OLFM3: variants seen among roughly 807,000 people sequenced by gnomAD.
OLFM3 encodes noelin-3.
OLFM3 carries 20 observed loss-of-function variants against 48.6 expected under a neutral mutation model. The observed-to-expected ratio is 0.41, with a 90% CI of 0.29 to 0.60. OLFM3 has a LOEUF of 0.60. Among genes scored for constraint, OLFM3 ranks in the 20% least tolerant of loss-of-function variants. The pLI, the probability that OLFM3 is intolerant of heterozygous loss-of-function variation, is 0.28. For missense variants in OLFM3, 437 were observed against 544.3 expected (o/e 0.80, Z 1.96); for synonymous variants, 222 against 198.1 (o/e 1.12, Z -1.01).
At chr1:101,900,623 G>C (rs920893192) in intron 1 of OLFM3, among the ~76,000 whole-genome samples, 2 of 152,032 alleles carry the variant, frequency 1.3e-5, no homozygotes, top group Non-Finnish European at 2.9e-5. Context: ...AGTGAAAGAA[G>C]TGAATCTAGG....
intron 1 of OLFM3, among the ~76,000 whole-genome samples, chr1:101,898,747 G>A (rs1223084222): frequency 6.6e-6 from 1 of 152,090 alleles, no homozygotes; most frequent in Non-Finnish European, 1.5e-5. Flanking sequence ...TACTCAGGAG[G>A]CTGAGGCATG....
At chr1:101,948,149 C>T (rs932056343) in intron 1 of OLFM3, among the ~76,000 whole-genome samples, 1 of 151,972 alleles carries the variant, frequency 6.6e-6, no homozygotes, top group Non-Finnish European at 1.5e-5. Flanking sequence ...AAAAAAAATA[C>T]AATTACTGAT....
chr1:101,915,441 C>T (rs1891125), intron 1 of OLFM3, among the ~76,000 whole-genome samples: 65,725 of 151,610 alleles, frequency 0.43, 14,332 homozygotes, highest in East Asian at 0.59. Flanking sequence ...AATGAAGTAT[C>T]GTGCTATTGA....
chr1:101,865,869 G>A (rs1175879185), intron 1 of OLFM3, among the ~76,000 whole-genome samples: 1 of 152,174 alleles, frequency 6.6e-6, no homozygotes, highest in African/African-American at 2.4e-5. Context: ...TAAAGAATTT[G>A]TATTAACATC....
intron 1 of OLFM3, among the ~76,000 whole-genome samples, chr1:101,993,555 T>C (rs549927512): frequency 1.3e-5 from 2 of 152,274 alleles, no homozygotes; most frequent in South Asian, 4.1e-4. Context: ...ATGAAATTAA[T>C]TGACATCTCT....
intron 1 of OLFM3, among the ~76,000 whole-genome samples, chr1:101,915,010 A>G (rs1658875637): frequency 6.6e-6 from 1 of 152,146 alleles, no homozygotes; most frequent in Non-Finnish European, 1.5e-5. Context: ...AAGTATGTAT[A>G]TTTCAAGTAA....
chr1:101,860,733 G>A (rs1656619913), intron 1 of OLFM3, among the ~76,000 whole-genome samples: 1 of 151,928 alleles, frequency 6.6e-6, no homozygotes, highest in Non-Finnish European at 1.5e-5. Context: ...GCATTAGGTA[G>A]TCTTAATATC....
chr1:101,814,204 G>A (rs917580038), intron 4 of OLFM3, among the ~76,000 whole-genome samples: 1 of 151,094 alleles, frequency 6.6e-6, no homozygotes, highest in African/African-American at 2.4e-5. Flanking sequence ...GTGGTTAAAA[G>A]AACAGCTTTT....
At chr1:101,906,898 G>A (rs1305042301) in intron 1 of OLFM3, among the ~76,000 whole-genome samples, 1 of 152,142 alleles carries the variant, frequency 6.6e-6, no homozygotes, top group African/African-American at 2.4e-5. Context: ...AAACATGCAT[G>A]CATACATATG....
chr1:101,884,601 A>G (rs576267413), intron 1 of OLFM3, among the ~76,000 whole-genome samples: 1 of 152,026 alleles, frequency 6.6e-6, no homozygotes, highest in African/African-American at 2.4e-5. Context: ...GCTAACTGTA[A>G]TATTTTGTGC....
chr1:101,838,692 C>T (rs892079397), intron 1 of OLFM3, among the ~76,000 whole-genome samples: 2 of 152,120 alleles, frequency 1.3e-5, no homozygotes, highest in Non-Finnish European at 2.9e-5. Flanking sequence ...GCTGGCCAGG[C>T]TGGTCTCAGA....
In OLFM3 at chr1:101,803,710, G is replaced by C. The variant is rs1653604323; in HGVS notation, c.*528C>G. 1 of 152,358 alleles carries C rather than the reference G, an allele frequency of 6.6e-6. No homozygotes were observed. The highest frequency in any genetic ancestry group is 2.4e-5 in the African/African-American group (1 of 41,366). 9.4% of individuals were successfully genotyped at this position (152,358 alleles called of 1,614,324 possible). On this transcript the variant is annotated 3_prime_UTR_variant, in exon 6 of 6. Transcript: ENST00000370103. ...GTTAGCAAGAGATTTAAAAATGACT[G>C]TACAGCACCGCATCAGAGAATTGTG... is the stretch of plus-strand genomic sequence containing the variant.
rs116703138 is a variant in OLFM3 at position 101,947,699 on chromosome 1, T to A, written c.69+49049A>T. On this transcript the variant is annotated intron_variant, in intron 1 of 5. Coordinates refer to ENST00000370103, the MANE Select transcript of OLFM3 (RefSeq NM_058170.4). ...AGGTATAGAAATGTTCATAAACTTT[T>A]AGTCATTGATAAAAGTGAGATAATG... Among the ~76,000 whole-genome samples the A allele has an allele frequency of 5.8e-3, 881 of 152,330 alleles. 6 individuals are homozygous for A. The highest frequency in any genetic ancestry group is 0.02 in the African/African-American group (826 of 41,584).
intron 1 of OLFM3, among the ~76,000 whole-genome samples, chr1:101,971,432 G>T (rs1660800939): frequency 6.6e-6 from 1 of 152,126 alleles, no homozygotes; most frequent in Admixed American, 6.5e-5. Context: ...ACTTCAGAAT[G>T]AAGAAGTCTG....
At chr1:101,983,427 G>T (rs906018942) in intron 1 of OLFM3, among the ~76,000 whole-genome samples, 39 of 152,092 alleles carry the variant, frequency 2.6e-4, no homozygotes, top group African/African-American at 8.2e-4. Flanking sequence ...TTCTGCCATG[G>T]GACATGTCAT....
intron 1 of OLFM3, among the ~76,000 whole-genome samples, chr1:101,911,142 A>G (rs1658747650): frequency 6.6e-6 from 1 of 152,204 alleles, no homozygotes; most frequent in Non-Finnish European, 1.5e-5. Context: ...TAAGGAGCTC[A>G]GTGGTACCCT....
intron 4 of OLFM3, among the ~76,000 whole-genome samples, chr1:101,817,605 T>C (rs1654399190): frequency 6.6e-6 from 1 of 152,082 alleles, no homozygotes; most frequent in East Asian, 1.9e-4. Context: ...CTCTCTTTTA[T>C]TTGTTTACAT....
chr1:101,857,401 A>C (rs1326995256), intron 1 of OLFM3, among the ~76,000 whole-genome samples: 1 of 152,094 alleles, frequency 6.6e-6, no homozygotes, highest in East Asian at 1.9e-4. Flanking sequence ...TTGGATTATA[A>C]ATTTACACAT....
chr1:101,821,715 A>T (rs147629502), intron 4 of OLFM3, among the ~76,000 whole-genome samples: 21 of 152,264 alleles, frequency 1.4e-4, no homozygotes, highest in African/African-American at 4.8e-4. Flanking sequence ...GGCTGCTAAT[A>T]ATCTATGAAA....
Sources: gnomAD v4.1 joint callset for allele counts (sites outside exome capture counted in the v4.1 genomes callset) on GRCh38, gnomAD v4.1.1 for gene constraint, MANE v1.5 for transcripts, NCBI Gene and HGNC (gene_info 2026-07-23, HGNC 2026-07-21) for gene names.